The following AGPS variants were observed in gnomAD, a reference collection of about 807,000 sequenced individuals.
AGPS encodes the protein alkylglycerone phosphate synthase, also known as alkyldihydroxyacetonephosphate synthase, peroxisomal.
Under a neutral mutation model 90.7 loss-of-function variants are expected in AGPS, and 26 were observed. That is an observed-to-expected ratio of 0.29 (90% confidence interval 0.21 to 0.40). The LOEUF is 0.40. Among genes scored for constraint, AGPS ranks in the 10% least tolerant of loss-of-function variants. AGPS has a pLI of 1.00. For synonymous variants in AGPS, 294 were observed against 285.3 expected (o/e 1.03, Z -0.31); for missense variants, 540 against 816.1 (o/e 0.66, Z 4.12).
chr2:177,525,430 GT>G (rs2079075317), intron 19 of AGPS, among the ~76,000 whole-genome samples: 1 of 152,086 alleles, frequency 6.6e-6, no homozygotes, highest in South Asian at 2.1e-4. Context: ...ATAATTACTT[GT>G]TTGAAGAAAA....
intron 11 of AGPS, among the ~76,000 whole-genome samples, chr2:177,488,074 G>A (rs1269073956): frequency 1.3e-5 from 2 of 152,118 alleles, no homozygotes; most frequent in Admixed American, 1.3e-4. Flanking sequence ...AGTAATAACT[G>A]TAGCCTTAAA....
At chr2:177,486,942 T>C (rs983928240) in intron 11 of AGPS, among the ~76,000 whole-genome samples, 1 of 151,886 alleles carries the variant, frequency 6.6e-6, no homozygotes, top group Non-Finnish European at 1.5e-5. Flanking sequence ...TCCAGTATAA[T>C]CTCCTCCTTT....
chr2:177,492,675 G>T (rs1463253984), intron 11 of AGPS, among the ~76,000 whole-genome samples: 1 of 152,188 alleles, frequency 6.6e-6, no homozygotes, highest in Non-Finnish European at 1.5e-5. Context: ...TGTGTGGTTT[G>T]CCTGAAATAG....
intron 10 of AGPS, among the ~76,000 whole-genome samples, chr2:177,469,323 A>G (rs1344225817): frequency 6.6e-6 from 1 of 152,176 alleles, no homozygotes; most frequent in Non-Finnish European, 1.5e-5. Flanking sequence ...ACATTTAGCT[A>G]TATTCATGAA....
intron 6 of AGPS, 27 bp downstream of exon 6, chr2:177,441,063 A>G: frequency 1.3e-6 from 2 of 1,539,472 alleles, no homozygotes; most frequent in South Asian, 2.3e-5. Flanking sequence ...TTGAATTTTA[A>G]TATGTAAATT....
intron 19 of AGPS, among the ~76,000 whole-genome samples, chr2:177,524,129 G>A (rs1559083970): frequency 6.6e-6 from 1 of 152,138 alleles, no homozygotes; most frequent in East Asian, 1.9e-4. Flanking sequence ...GGATGATGGG[G>A]AAGAAAACCT....
chr2:177,434,438 A>G (rs1276135335), intron 3 of AGPS, 21 bp downstream of exon 3: 2 of 1,542,292 alleles, frequency 1.3e-6, no homozygotes, highest in Non-Finnish European at 1.8e-6. Flanking sequence ...AAAAATTATT[A>G]CTAACTCATT....
chr2:177,539,512 A>C lies in AGPS; in HGVS notation c.*1317A>C, dbSNP rs1247033355. ...TTAATGCAATACCTAACTTTTGATA[A>C]TTTTTTAAAACTAATATTTGATCAG... On this transcript the variant is annotated 3_prime_UTR_variant, in exon 20 of 20. Coordinates refer to ENST00000264167, the MANE Select transcript of AGPS (RefSeq NM_003659.4). 1 of 151,984 alleles carries C rather than the reference A, an allele frequency of 6.6e-6. No homozygotes were observed. The highest frequency in any genetic ancestry group is 2.4e-5 in the African/African-American group (1 of 41,442). 9.4% of individuals were successfully genotyped at this position (151,984 alleles called of 1,614,324 possible).
intron 12 of AGPS, among the ~76,000 whole-genome samples, chr2:177,496,016 A>G (rs1688404554): frequency 6.6e-6 from 1 of 152,056 alleles, no homozygotes; most frequent in Non-Finnish European, 1.5e-5. Flanking sequence ...GTAAAAGATA[A>G]TATTATCTAG....
At chr2:177,534,785 A>G (rs887908178) in intron 19 of AGPS, among the ~76,000 whole-genome samples, 3 of 150,686 alleles carry the variant, frequency 2.0e-5, no homozygotes, top group African/African-American at 7.4e-5. Flanking sequence ...TTTTTTTAGA[A>G]ATGGGGTCTC....
At chr2:177,501,659 G>GTT (rs1380634147) in intron 14 of AGPS, among the ~76,000 whole-genome samples, 3 of 151,820 alleles carry the variant, frequency 2.0e-5, no homozygotes, top group African/African-American at 7.3e-5. Context: ...TTTTTTGTTT[G>GTT]TTTGTTTTTG....
At chr2:177,421,230 T>G (rs1048499247) in intron 2 of AGPS, among the ~76,000 whole-genome samples, 2 of 151,944 alleles carry the variant, frequency 1.3e-5, no homozygotes, top group Non-Finnish European at 2.9e-5. Flanking sequence ...GAACCAAAAA[T>G]AAAAAGAAAC....
chr2:177,393,225 C>T, intron 1 of AGPS, 176 bp downstream of exon 1: 1 of 985,298 alleles, frequency 1.0e-6, no homozygotes, highest in Non-Finnish European at 1.2e-6. Context: ...TGGATTCTGT[C>T]AGGAAGGGGG....
At chr2:177,507,072 T>G (rs755784500) in intron 15 of AGPS, among the ~76,000 whole-genome samples, 7 of 152,140 alleles carry the variant, frequency 4.6e-5, no homozygotes, top group Non-Finnish European at 1.0e-4. Context: ...TCTGTTTTTA[T>G]AAGTTTTACA....
intron 13 of AGPS, among the ~76,000 whole-genome samples, chr2:177,498,420 G>C (rs765661295): frequency 6.6e-6 from 1 of 151,112 alleles, no homozygotes; most frequent in African/African-American, 2.4e-5. Context: ...GATGTCCTTT[G>C]TCATAAATGT....
intron 14 of AGPS, among the ~76,000 whole-genome samples, chr2:177,504,706 G>A (rs866844684): frequency 3.9e-5 from 6 of 151,970 alleles, no homozygotes; most frequent in Non-Finnish European, 5.9e-5. Context: ...TAATTGAGGT[G>A]ATAAGATAAA....
intron 10 of AGPS, among the ~76,000 whole-genome samples, chr2:177,476,743 A>G (rs1687790651): frequency 6.6e-6 from 1 of 152,112 alleles, no homozygotes; most frequent in African/African-American, 2.4e-5. Flanking sequence ...TGTCCATTAT[A>G]GAAAGTAAGG....
intron 9 of AGPS, among the ~76,000 whole-genome samples, chr2:177,463,411 A>G (rs534533169): frequency 7.9e-5 from 12 of 152,312 alleles, no homozygotes; most frequent in South Asian, 2.1e-4. Context: ...CTTATCGTCA[A>G]TATTTTCATA....
chr2:177,397,100 A>G (rs57890299), intron 1 of AGPS, among the ~76,000 whole-genome samples: 131,667 of 151,856 alleles, frequency 0.87, 57,297 homozygotes, highest in East Asian at 0.98. Flanking sequence ...CACTGTGCCC[A>G]GCTAAGTTTT....
Sources: gnomAD v4.1 joint callset for allele counts (sites outside exome capture counted in the v4.1 genomes callset) on GRCh38, gnomAD v4.1.1 for gene constraint, MANE v1.5 for transcripts, NCBI Gene and HGNC (gene_info 2026-07-23, HGNC 2026-07-21) for gene names.